HERC2: variants seen among roughly 807,000 people sequenced by gnomAD.
HERC2 encodes E3 ubiquitin-protein ligase HERC2.
In HERC2, 102 loss-of-function variants were observed where a neutral mutation model predicts 537.7. That is an observed-to-expected ratio of 0.19 (90% CI 0.16 to 0.22). HERC2 has a LOEUF of 0.22. HERC2 is among the 10% of genes least tolerant of loss of function. HERC2 has a pLI of 1.00. For synonymous variants in HERC2, 2,224 were observed against 2,466.2 expected (o/e 0.90, Z 2.91); for missense variants, 4,236 against 6,198.2 (o/e 0.68, Z 10.63).
rs976390917 is a variant in HERC2, at chr15:28,238,961, A to AG, written c.3578-190_3578-189insC. Among the ~76,000 whole-genome samples, 1,232 of 152,342 alleles carry AG rather than the reference A, an allele frequency of 8.1e-3. 20 individuals carry two copies. The highest frequency in any genetic ancestry group is 0.028 in the African/African-American group (1,170 of 41,588). On this transcript the variant is annotated intron_variant, in intron 23 of 92. Coordinates refer to ENST00000261609, the MANE Select transcript of HERC2 (RefSeq NM_004667.6). ...TAAATATAGAATGCTTTAAAAAAAA[A>AG]TCTAGGCAGCATGAATACCAAATTG...
chr15:28,159,706 T>C (rs898929449), intron 69 of HERC2, among the ~76,000 whole-genome samples: 72 of 152,240 alleles, frequency 4.7e-4, no homozygotes, highest in African/African-American at 1.5e-3. Context: ...AGAAGTTTGA[T>C]CGTCTGAAGC....
intron 26 of HERC2, among the ~76,000 whole-genome samples, chr15:28,234,663 T>A (rs1902225431): frequency 1.3e-5 from 2 of 149,722 alleles, no homozygotes; most frequent in African/African-American, 2.4e-5. Context: ...AATCACAGGA[T>A]TTCAAGTCCG....
At chr15:28,127,737 G>T (rs1409031331) in intron 83 of HERC2, among the ~76,000 whole-genome samples, 2 of 152,028 alleles carry the variant, frequency 1.3e-5, no homozygotes, top group African/African-American at 2.4e-5. Flanking sequence ...GAGCAAGGAA[G>T]TACTCCCAGA....
chr15:28,289,734 T>C (rs2141119701), intron 4 of HERC2, among the ~76,000 whole-genome samples: 1 of 152,376 alleles, frequency 6.6e-6, no homozygotes, highest in East Asian at 1.9e-4. Context: ...TTACGGGACA[T>C]GGCTCCCTGG....
Position 28,183,124 on chromosome 15 carries a change from C to T in HERC2, c.8826-612G>A, listed in dbSNP as rs1596150746. On this transcript the variant is annotated intron_variant, in intron 56 of 92. Transcript: ENST00000261609. ...TCATCGGCCAGCTAAGCTGAAAGTC[C>T]TCGTCTCCTGTCCTTCCCAGAGGGC... Among the ~76,000 whole-genome samples, 7 of 152,320 alleles carry T rather than the reference C, an allele frequency of 4.6e-5. No homozygotes were observed. In the South Asian group the frequency reaches 1.2e-3, roughly 27 times the overall value.
Position 28,117,525 on chromosome 15 carries a change from C to G in HERC2, c.13273-371G>C, listed in dbSNP as rs1342469282. On this transcript the variant is annotated intron_variant, in intron 86 of 92. Coordinates refer to ENST00000261609, the MANE Select transcript of HERC2 (RefSeq NM_004667.6). ...ACCCTAAGCACTGCTGCTACTTCAC[C>G]ATCTTGCCACGACCTCATGAAATAA... 8 of 541,622 alleles carry G rather than the reference C, an allele frequency of 1.5e-5. No individual in the cohort carries two copies. In the Admixed American group the frequency reaches 1.8e-4, roughly 12 times the overall value. The allele number at this position is 541,622 out of a possible 1,614,324, so 33.6% of individuals were successfully genotyped here.
chr15:28,139,932 G>C (rs571829048), intron 78 of HERC2, among the ~76,000 whole-genome samples: 2 of 151,450 alleles, frequency 1.3e-5, no homozygotes, highest in South Asian at 4.2e-4. Flanking sequence ...GCCAGGCGTG[G>C]TGGCGGGCGC....
At position 28,191,958 on chromosome 15, in the gene HERC2, T is replaced by A. The variant is rs1168889107; in HGVS notation, c.8451+3A>T. 1.2e-6 allele frequency: 2 copies of A among 1,612,504 alleles called. No homozygotes were observed. Among genetic ancestry groups the A allele is most frequent in the African/African-American group, 2.7e-5 (2 of 74,926 alleles). ...CCCGCTGCTGTGCCCTATTAGATGC[T>A]ACCTTTCCTTGCGACCCCGATGACT... is the stretch of plus-strand genomic sequence containing the variant. On this transcript the variant is annotated splice_donor_region_variant and intron_variant, in intron 53 of 92. Transcript: ENST00000261609.
At chr15:28,116,632 A>G in intron 88 of HERC2, 33 bp downstream of exon 88, 1 of 1,574,460 alleles carries the variant, frequency 6.4e-7, no homozygotes, top group Non-Finnish European at 8.7e-7. Context: ...CACAGGCCAC[A>G]GCGACACAGT....
chr15:28,238,844 A>C, intron 23 of HERC2, 72 bp from the exon 24 acceptor site: 1 of 1,103,518 alleles, frequency 9.1e-7, no homozygotes, highest in Non-Finnish European at 1.4e-6. Flanking sequence ...AACTGTGTGA[A>C]AGAACTACAA....
At chr15:28,225,696 C>CAAAAAA (rs35629645) in intron 35 of HERC2, among the ~76,000 whole-genome samples, 12 of 58,772 alleles carry the variant, frequency 2.0e-4, no homozygotes, top group African/African-American at 5.8e-4. Flanking sequence ...GACTCCGTCT[C>CAAAAAA]AAAAAAAAAA....
chr15:28,128,377 T>C (rs891595860), intron 83 of HERC2, among the ~76,000 whole-genome samples: 4 of 152,224 alleles, frequency 2.6e-5, no homozygotes, highest in Admixed American at 1.3e-4. Flanking sequence ...AGCAACTCAC[T>C]CTCATGTGGA....
At chr15:28,127,392 G>C (rs112586966) in intron 83 of HERC2, among the ~76,000 whole-genome samples, 2 of 152,194 alleles carry the variant, frequency 1.3e-5, no homozygotes, top group African/African-American at 4.8e-5. Context: ...TGGCCAAATC[G>C]CCAGAAAAGA....
At chr15:28,310,672 AT>A (rs1482511035) in intron 2 of HERC2, among the ~76,000 whole-genome samples, 32 of 152,262 alleles carry the variant, frequency 2.1e-4, no homozygotes, top group African/African-American at 7.7e-4. Flanking sequence ...TCACAGCTCC[AT>A]GTGGGCCGTG....
At position 28,228,340 on chromosome 15, in the gene HERC2, G is replaced by A. The variant is rs772652830; in HGVS notation, c.5342C>T (p.Pro1781Leu). 22 of 1,612,216 alleles carry A rather than the reference G, an allele frequency of 1.4e-5. No homozygotes were observed. Among genetic ancestry groups the A allele is most frequent in the Middle Eastern group, 2.2e-4 (1 of 4,590 alleles). Reference sequence around the variant, plus strand: ...CATCACCAGGAGGAAGCGGGCTTGCGGGATGGTCCCCAGGCTCGGTCCTGA... The same window carrying A: ...CATCACCAGGAGGAAGCGGGCTTGCAGGATGGTCCCCAGGCTCGGTCCTGA... ...NPSGPSLGTIPQARFLLVMLS... is the reference protein window; with the variant it reads ...NPSGPSLGTILQARFLLVMLS... Residue 1781 changes from proline (P) to leucine (L), a missense_variant, in exon 35 of 93, where the codon CCG (proline) becomes CTG (leucine). Around this residue, in one of 27 missense-constraint regions of HERC2, gnomAD observed 343 missense variants for 417.2 expected, o/e 0.82. Transcript: ENST00000261609.
At chr15:28,270,659 C>G (rs776589918) in intron 10 of HERC2, 36 bp downstream of exon 10, 7 of 1,600,006 alleles carry the variant, frequency 4.4e-6, no homozygotes, top group Non-Finnish European at 6.0e-6. Flanking sequence ...GTACTAGCTA[C>G]AAAACACATG....
intron 76 of HERC2, 103 bp downstream of exon 76, chr15:28,142,135 G>C: frequency 7.5e-7 from 1 of 1,333,652 alleles, no homozygotes. Context: ...ATATTCCTTG[G>C]CAAGCGAAAT....
Position 28,177,328 on chromosome 15 carries a change from T to C in HERC2, c.9254+91A>G, listed in dbSNP as rs1895385937. On this transcript the variant is annotated intron_variant, in intron 60 of 92. Transcript: ENST00000261609. This position sits in a 1 kb window ranked among gnomAD's most constrained non-coding sequence, Gnocchi z 5.0. ...GTTTAAGAACCATTTCTATAATCTA[T>C]TCTATTCTAATTTTCTGCAAAATAA... 2 of 1,399,110 alleles carry C rather than the reference T, an allele frequency of 1.4e-6. No individual in the cohort carries two copies. The highest frequency in any genetic ancestry group is 1.2e-5 in the South Asian group (1 of 83,282). The allele number at this position is 1,399,110 out of a possible 1,614,324, so 86.7% of individuals were successfully genotyped here.
At chr15:28,121,571 G>C in intron 85 of HERC2, 142 bp from the exon 86 acceptor site, 1 of 717,836 alleles carries the variant, frequency 1.4e-6, no homozygotes, top group Non-Finnish European at 2.4e-6. Flanking sequence ...TTCTCAAGTT[G>C]TGAGGGTGCA....
Sources: allele counts gnomAD v4.1 joint callset (sites outside exome capture counted in the v4.1 genomes callset), GRCh38; gene constraint gnomAD v4.1.1; regional missense constraint gnomAD v4.1.1; non-coding constraint Gnocchi (gnomAD v3.1); transcripts MANE v1.5; gene names NCBI Gene and HGNC (gene_info 2026-07-23, HGNC 2026-07-21).